Variants in PPP2CA observed in about 807,000 individuals in gnomAD.
PPP2CA encodes protein phosphatase 2 catalytic subunit alpha.
A neutral mutation model predicts 38.8 loss-of-function variants in PPP2CA; 5 were observed. The observed-to-expected ratio is 0.13, with a 90% CI of 0.07 to 0.27. The LOEUF (loss-of-function observed/expected upper bound fraction) is 0.27, where lower values mean the gene tolerates loss of function less well. Among genes scored for constraint, PPP2CA ranks in the 10% least tolerant of loss-of-function variants. The pLI, the probability that PPP2CA is intolerant of heterozygous loss-of-function variation, is 1.00. For missense variants in PPP2CA, 88 were observed against 389.7 expected (o/e 0.23, Z 6.52); for synonymous variants, 152 against 134.0 (o/e 1.13, Z -0.93).
At chr5:134,210,031 T>C (rs993459957) in intron 1 of PPP2CA, among the ~76,000 whole-genome samples, 21 of 151,484 alleles carry the variant, frequency 1.4e-4, no homozygotes, top group African/African-American at 5.1e-4. Flanking sequence ...TCAGCCATGA[T>C]CACTTGACCC....
chr5:134,205,347 TA>T (rs1762056864), intron 2 of PPP2CA, among the ~76,000 whole-genome samples: 2 of 151,860 alleles, frequency 1.3e-5, no homozygotes, highest in South Asian at 2.1e-4. Context: ...TTTACTGAAC[TA>T]AAATATCTAT....
At chr5:134,200,620 T>C in intron 4 of PPP2CA, 124 bp from the exon 5 acceptor site, 1 of 1,059,896 alleles carries the variant, frequency 9.4e-7, no homozygotes, top group Non-Finnish European at 1.4e-6. Flanking sequence ...ACAATGCTAA[T>C]AGACTGTGCA....
chr5:134,214,342 T>C (rs1474453288), intron 1 of PPP2CA, among the ~76,000 whole-genome samples: 2 of 152,210 alleles, frequency 1.3e-5, no homozygotes, highest in Non-Finnish European at 2.9e-5. Context: ...ATTATAGTGA[T>C]TTTTTAAAAC....
chr5:134,205,878 T>A, intron 2 of PPP2CA, 44 bp downstream of exon 2: 1 of 1,529,424 alleles, frequency 6.5e-7, no homozygotes, highest in South Asian at 1.1e-5. Flanking sequence ...TCAAGAGGAC[T>A]GTCTTACCCA....
intron 2 of PPP2CA, among the ~76,000 whole-genome samples, chr5:134,204,957 C>T (rs985399295): frequency 2.4e-5 from 3 of 125,272 alleles, no homozygotes; most frequent in African/African-American, 9.5e-5. Flanking sequence ...TTTTTTGAGA[C>T]AGGGTCTCAT....
chr5:134,206,908 A>G (rs1762095180), intron 1 of PPP2CA, among the ~76,000 whole-genome samples: 1 of 152,344 alleles, frequency 6.6e-6, no homozygotes, highest in Non-Finnish European at 1.5e-5. Flanking sequence ...TAGAGGGGAG[A>G]AGGACCACAA....
At chr5:134,212,944 T>C (rs1004680222) in intron 1 of PPP2CA, among the ~76,000 whole-genome samples, 3 of 152,220 alleles carry the variant, frequency 2.0e-5, no homozygotes, top group African/African-American at 7.2e-5. Context: ...AGCTTAAAGC[T>C]AGCAGACTGG....
chr5:134,201,124 A>C, intron 3 of PPP2CA, 50 bp from the exon 4 acceptor site: 1 of 1,437,204 alleles, frequency 7.0e-7, no homozygotes, highest in Non-Finnish European at 9.8e-7. Flanking sequence ...ATTTGTAAAC[A>C]TTCTTGGCTG....
At position 134,196,844 on chromosome 5, in the gene PPP2CA, CAAGTT is replaced by C. The variant is rs1412606511; in HGVS notation, c.*923_*927del. 1 of 152,426 alleles carries C rather than the reference CAAGTT, an allele frequency of 6.6e-6. No individual in the cohort carries two copies. Among genetic ancestry groups the C allele is most frequent in the East Asian group, 1.9e-4 (1 of 5,200 alleles). The allele number at this position is 152,426 out of a possible 1,614,324, so 9.4% of individuals were successfully genotyped here. A position where few individuals can be genotyped will look rare whatever the true frequency, so the allele number is the denominator to read the frequency against. On this transcript the variant is annotated 3_prime_UTR_variant, in exon 7 of 7. Coordinates refer to ENST00000481195, the MANE Select transcript of PPP2CA (RefSeq NM_002715.4). The stretch of plus-strand genomic sequence containing the variant: ...CAGCACAGATTTCCTTTCTTACAAA[CAAGTT>C]AATATGCAGGAAGAACCCACAAAGT...
At chr5:134,203,608 GA>G (rs1762012993) in intron 2 of PPP2CA, 1 of 152,178 alleles carries the variant, frequency 6.6e-6, no homozygotes, top group Non-Finnish European at 1.5e-5. Flanking sequence ...CCAACCATGT[GA>G]CCCCACTTTA....
At chr5:134,200,938 C>G (rs769458524) in intron 4 of PPP2CA, 47 bp downstream of exon 4, 2 of 1,434,086 alleles carry the variant, frequency 1.4e-6, no homozygotes, top group East Asian at 4.5e-5. Context: ...AACTTCTCCA[C>G]TCCCTAATAA....
At chr5:134,225,496 G>A (rs999329291) in intron 1 of PPP2CA, 9 of 406,940 alleles carry the variant, frequency 2.2e-5, no homozygotes, top group Non-Finnish European at 4.0e-5. Context: ...CTGCCACCTC[G>A]TCTGGCGCCA....
intron 1 of PPP2CA, among the ~76,000 whole-genome samples, chr5:134,217,523 T>A (rs758090904): frequency 3.3e-5 from 5 of 152,166 alleles, no homozygotes; most frequent in Non-Finnish European, 7.4e-5. Context: ...CAAAAAAAAT[T>A]TTTTCAATAT....
chr5:134,221,380 T>C (rs1305970695), intron 1 of PPP2CA, among the ~76,000 whole-genome samples: 2 of 152,224 alleles, frequency 1.3e-5, no homozygotes, highest in Non-Finnish European at 2.9e-5. Flanking sequence ...TCCAAAGTGC[T>C]AGGATTACAG....
chr5:134,219,763 C>G (rs1234113387), intron 1 of PPP2CA, among the ~76,000 whole-genome samples: 1 of 152,278 alleles, frequency 6.6e-6, no homozygotes, highest in African/African-American at 2.4e-5. Flanking sequence ...GTAATCCCAG[C>G]ACTTTGGGAG....
chr5:134,201,149 T>A, intron 3 of PPP2CA, 75 bp from the exon 4 acceptor site: 1 of 1,142,468 alleles, frequency 8.8e-7, no homozygotes, highest in Non-Finnish European at 1.3e-6. Context: ...CAGTGGCTCA[T>A]GCCTGTAACC....
rs748030385 is a variant in PPP2CA, at chr5:134,216,537, C to CAAAAAA, written c.102+9217_102+9222dup. Among the ~76,000 whole-genome samples the CAAAAAA allele has an allele frequency of 6.8e-4, 20 of 29,584 alleles. 1 individual carries two copies. The highest frequency in any genetic ancestry group is 2.3e-3 in the African/African-American group (19 of 8,428). 19.4% of individuals were successfully genotyped at this position (29,584 alleles called of 152,430 possible). ...CCTGGGCAACAGAGTGAGACTGCCT[C>CAAAAAA]AAAAAAAAAAAAAAAAAAAAGTGGT... On this transcript the variant is annotated intron_variant, in intron 1 of 6. Transcript: ENST00000481195.
chr5:134,213,731 T>TATG (rs920484356), intron 1 of PPP2CA, among the ~76,000 whole-genome samples: 1 of 152,128 alleles, frequency 6.6e-6, no homozygotes, highest in African/African-American at 2.4e-5. Flanking sequence ...TCCAGTGAAC[T>TATG]ATGATGATGT....
chr5:134,202,009 C>T lies in PPP2CA; in HGVS notation c.325G>A (p.Glu109Lys), dbSNP rs1190536669. ...TTCCCTCGAAGAATGGTGATGCGTT[C>T]ACGGTAACGAACCTAAAACAATAAA... ...LLVALKVRYR[E>K]RITILRGNHE... is the part of the protein sequence containing the mutation. The change falls in exon 3 of 7, where the codon GAA becomes AAA. Residue 109 changes from glutamate (E) to lysine (K), a missense_variant. Around this residue, in one of 4 missense-constraint regions of PPP2CA, gnomAD observed 12 missense variants for 20.6 expected, o/e 0.58. Transcript: ENST00000481195. The T allele has an allele frequency of 1.2e-6, 2 of 1,602,842 alleles. No individual in the cohort carries two copies. The highest frequency in any genetic ancestry group is 1.7e-6 in the Non-Finnish European group (2 of 1,176,024).
Sources: gnomAD v4.1 joint callset for allele counts (sites outside exome capture counted in the v4.1 genomes callset) on GRCh38, gnomAD v4.1.1 for gene constraint, gnomAD v4.1.1 regional missense constraint, MANE v1.5 for transcripts, NCBI Gene and HGNC (gene_info 2026-07-23, HGNC 2026-07-21) for gene names.